The following ENDOD1 variants were observed in gnomAD, a reference collection of about 807,000 sequenced individuals.
ENDOD1 encodes the protein endonuclease domain-containing 1 protein.
Under a neutral mutation model 6.5 loss-of-function variants are expected in ENDOD1, and 9 were observed. The observed-to-expected ratio is 1.39, with a 90% CI of 0.84 to 2.43. ENDOD1 has a LOEUF of 2.43. Among genes scored for constraint, ENDOD1 ranks in the 30% most tolerant of loss-of-function variants. The pLI is 0.00. For missense variants in ENDOD1, 648 were observed against 635.5 expected, an observed-to-expected ratio of 1.02 and a Z score of -0.21; for synonymous variants, 255 against 255.2, an observed-to-expected ratio of 1.00 and a Z score of 0.01.
At chr11:95,121,240 C>G (rs76804169) in intron 1 of ENDOD1, among the ~76,000 whole-genome samples, 3,023 of 152,278 alleles carry the variant, frequency 0.02, 105 homozygotes, top group African/African-American at 0.069. Context: ...TTCTATTCTG[C>G]CATCTTGCTG....
At chr11:95,104,280 C>T (rs1329042298) in intron 1 of ENDOD1, among the ~76,000 whole-genome samples, 3 of 152,032 alleles carry the variant, frequency 2.0e-5, no homozygotes, top group African/African-American at 7.2e-5. Flanking sequence ...AACCCCGTCT[C>T]TACTAAAAAT....
intron 1 of ENDOD1, among the ~76,000 whole-genome samples, chr11:95,094,479 T>A (rs1858964952): frequency 2.0e-5 from 3 of 152,210 alleles, no homozygotes; most frequent in Admixed American, 6.5e-5. Context: ...AGCACTTACT[T>A]GGCTGCATAA....
In ENDOD1 at chr11:95,128,690, C is replaced by G. The variant is rs1464805816; in HGVS notation, c.614C>G (p.Ser205Ter). Residue 205 changes from serine (S) to a stop codon, truncating the protein, a stop_gained, in exon 2 of 2, where the codon TCA (serine) becomes TGA (stop). Coordinates refer to ENST00000278505, the MANE Select transcript of ENDOD1 (RefSeq NM_015036.3). LOFTEE classifies it low-confidence loss of function (END_TRUNC). ...TATATCCTCACAGGCACAGTGCCCT[C>G]AGACTACAGAGTTAAAGACAAAGTG... ...DLYILTGTVP[S>*]DYRVKDKVAV... 1.2e-6 allele frequency: 2 copies of G among 1,614,078 alleles called. No homozygotes were observed. The highest frequency in any genetic ancestry group is 1.3e-5 in the African/African-American group (1 of 74,918).
intron 1 of ENDOD1, among the ~76,000 whole-genome samples, chr11:95,100,900 T>C (rs1362749330): frequency 1.4e-5 from 2 of 142,730 alleles, no homozygotes; most frequent in African/African-American, 5.2e-5. Flanking sequence ...TTCCGTGATA[T>C]TCCCAAGTAG....
At chr11:95,123,226 T>A in intron 1 of ENDOD1, among the ~76,000 whole-genome samples, 1 of 150,000 alleles carries the variant, frequency 6.7e-6, no homozygotes. Flanking sequence ...GTCCTAGGAT[T>A]TAATATATTT....
intron 1 of ENDOD1, among the ~76,000 whole-genome samples, chr11:95,115,349 A>G (rs1233759352): frequency 6.7e-6 from 1 of 149,118 alleles, no homozygotes; most frequent in Non-Finnish European, 1.5e-5. Context: ...TGTGTCCTAC[A>G]ACTTAACTGA....
At chr11:95,114,179 C>A (rs1859178668) in intron 1 of ENDOD1, among the ~76,000 whole-genome samples, 1 of 152,198 alleles carries the variant, frequency 6.6e-6, no homozygotes. Context: ...TGCCCAGGCA[C>A]AATCTTGGCT....
chr11:95,097,007 A>T (rs1164081277), intron 1 of ENDOD1, among the ~76,000 whole-genome samples: 1 of 152,106 alleles, frequency 6.6e-6, no homozygotes, highest in African/African-American at 2.4e-5. Flanking sequence ...TACAAAAATT[A>T]GCGAGGAGTG....
At position 95,089,880 on chromosome 11, in the gene ENDOD1, G is replaced by A. The variant is rs1477932489; in HGVS notation, c.-48G>A. On this transcript the variant is annotated 5_prime_UTR_variant, in exon 1 of 2. Coordinates refer to ENST00000278505, the MANE Select transcript of ENDOD1 (RefSeq NM_015036.3). ...TCCCCGCCCAGCCTGCAGAGCTCGC[G>A]CCGCGGCAGCCCAGCCGCTCGGCCC... The A allele has an allele frequency of 7.8e-7, 1 of 1,288,414 alleles. No individual in the cohort carries two copies. The highest frequency in any genetic ancestry group is 9.8e-7 in the Non-Finnish European group (1 of 1,015,604). The allele number at this position is 1,288,414 out of a possible 1,614,324, so 79.8% of individuals were successfully genotyped here. A position where few individuals can be genotyped will look rare whatever the true frequency, so the allele number is the denominator to read the frequency against.
At position 95,093,644 on chromosome 11, in the gene ENDOD1, G is replaced by A. The variant is rs182595022; in HGVS notation, c.300+3417G>A. On this transcript the variant is annotated intron_variant, in intron 1 of 1. Coordinates refer to ENST00000278505, the MANE Select transcript of ENDOD1 (RefSeq NM_015036.3). ...CTAGTGCCCAGCTTATAGAAAGCAC[G>A]CGATAAGTGTTGAATAAAATAATTT... Among the ~76,000 whole-genome samples, 404 of 152,266 alleles carry A rather than the reference G, an allele frequency of 2.7e-3. 2 individuals are homozygous for A. Among genetic ancestry groups the A allele is most frequent in the African/African-American group, 9.1e-3 (377 of 41,536 alleles).
intron 1 of ENDOD1, among the ~76,000 whole-genome samples, chr11:95,091,112 G>A (rs531349076): frequency 6.6e-6 from 1 of 152,102 alleles, no homozygotes; most frequent in Non-Finnish European, 1.5e-5. Context: ...GAACCTGCTG[G>A]CCTGCTCTTA....
chr11:95,121,339 A>G (rs1021267514), intron 1 of ENDOD1, among the ~76,000 whole-genome samples: 3 of 152,292 alleles, frequency 2.0e-5, no homozygotes, highest in African/African-American at 7.2e-5. Flanking sequence ...AATAATACAT[A>G]GTTGTTGCAA....
intron 1 of ENDOD1, among the ~76,000 whole-genome samples, chr11:95,125,523 A>T (rs1362150868): frequency 6.6e-6 from 1 of 152,008 alleles, no homozygotes; most frequent in Non-Finnish European, 1.5e-5. Flanking sequence ...TACATGTGCC[A>T]TGTTGGTGTG....
In ENDOD1 at chr11:95,130,527, T is replaced by A. The variant is rs976387957; in HGVS notation, c.*948T>A. On this transcript the variant is annotated 3_prime_UTR_variant, in exon 2 of 2. Transcript: ENST00000278505. ...GTTAAGCTAACATGAAAATTCATAT[T>A]CTGCAACATAGTAGATTTTTCTAAT... 3 of 152,156 alleles carry A rather than the reference T, an allele frequency of 2.0e-5. No homozygotes were observed. The highest frequency in any genetic ancestry group is 2.9e-5 in the Non-Finnish European group (2 of 68,028). The allele number at this position is 152,156 out of a possible 1,614,324, so 9.4% of individuals were successfully genotyped here.
intron 1 of ENDOD1, among the ~76,000 whole-genome samples, chr11:95,119,193 G>T (rs1385084857): frequency 1.3e-5 from 2 of 152,160 alleles, no homozygotes; most frequent in South Asian, 2.1e-4. Context: ...ATTTGATGAG[G>T]TCATGTTTTC....
chr11:95,129,389 C>T lies in ENDOD1; in HGVS notation c.1313C>T (p.Ala438Val). The change falls in exon 2 of 2, where the codon GCC becomes GTC. Residue 438 changes from alanine to valine, a missense_variant. By Grantham distance (64) the Ala-to-Val change is moderately conservative. Transcript: ENST00000278505. ...CCTGTCCGTGTCCTTGTGGATGTGG[C>T]CACTTTCCCTGTGTACACCATGGGC... Reference protein sequence around the residue: ...SIPVRVLVDVATFPVYTMGAI... With the variant: ...SIPVRVLVDVVTFPVYTMGAI... 6.2e-7 allele frequency: 1 copy of T among 1,614,120 alleles called. No homozygotes were observed. Among genetic ancestry groups the T allele is most frequent in the East Asian group, 2.2e-5 (1 of 44,870 alleles).
At chr11:95,116,043 G>A (rs1285532298) in intron 1 of ENDOD1, among the ~76,000 whole-genome samples, 23 of 152,004 alleles carry the variant, frequency 1.5e-4, no homozygotes, top group African/African-American at 5.6e-4. Flanking sequence ...CTGTTTTTTG[G>A]AATAGTTTGA....
chr11:95,119,857 C>T (rs1352448731), intron 1 of ENDOD1, among the ~76,000 whole-genome samples: 1 of 152,210 alleles, frequency 6.6e-6, no homozygotes, highest in African/African-American at 2.4e-5. Flanking sequence ...TCCATTGCAG[C>T]TGAGCTGGCA....
chr11:95,123,936 G>T (rs995763571), intron 1 of ENDOD1, among the ~76,000 whole-genome samples: 74 of 151,074 alleles, frequency 4.9e-4, no homozygotes, highest in African/African-American at 1.5e-3. Flanking sequence ...ATCCTGTTGG[G>T]TTTTTTTTTG....
Sources: gnomAD v4.1 joint callset for allele counts (sites outside exome capture counted in the v4.1 genomes callset) on GRCh38, gnomAD v4.1.1 for gene constraint, MANE v1.5 for transcripts, NCBI Gene and HGNC (gene_info 2026-07-23, HGNC 2026-07-21) for gene names.